RGS11: variants seen among roughly 807,000 people sequenced by gnomAD.
RGS11 encodes regulator of G protein signaling 11, also known as regulator of G-protein signaling 11.
In RGS11, 86 loss-of-function variants were observed where a neutral mutation model predicts 71.1. The ratio of observed to expected loss-of-function variants is 1.21; its 90% CI spans 1.02 to 1.45. The LOEUF is 1.45. Ranked by LOEUF, RGS11 falls within the 40% of genes most tolerant of loss-of-function variation. The pLI is 0.00. For synonymous variants in RGS11, 298 were observed against 254.2 expected (o/e 1.17, Z -1.64); for missense variants, 734 against 635.1 (o/e 1.16, Z -1.67).
chr16:275,173 C>T, intron 3 of RGS11, 91 bp from the exon 4 acceptor site: 1 of 1,588,166 alleles, frequency 6.3e-7, no homozygotes, highest in Non-Finnish European at 8.6e-7. Flanking sequence ...GCTCCCCACC[C>T]TTGCACAGCG....
At chr16:272,441 G>T (rs2051980692) in intron 9 of RGS11, 1 of 1,310,702 alleles carries the variant, frequency 7.6e-7, no homozygotes, top group Non-Finnish European at 1.0e-6. Flanking sequence ...TTTTGCTGCT[G>T]CGGGGCTCAG....
Position 275,839 on chromosome 16 carries a change from C to A in RGS11, c.63+10G>T. ...ATCGGGGGACGGCGGGACACCCACCCGCCTCGCACCTTCCTCAGATGCGGC... is the reference window on the plus strand; with the variant it reads ...ATCGGGGGACGGCGGGACACCCACCAGCCTCGCACCTTCCTCAGATGCGGC... On this transcript the variant is annotated intron_variant, in intron 1 of 16. Transcript: ENST00000397770. The A allele has an allele frequency of 9.4e-7, 1 of 1,067,880 alleles. No homozygotes were observed. Among genetic ancestry groups the A allele is most frequent in the Admixed American group, 4.6e-5 (1 of 21,716 alleles). The allele number at this position is 1,067,880 out of a possible 1,614,324, so 66.2% of individuals were successfully genotyped here.
In RGS11 at chr16:268,734, C is replaced by T. The variant is rs75157109; in HGVS notation, c.*535G>A. 4.0e-3 allele frequency: 6,126 copies of T among 1,537,510 alleles called. 259 individuals are homozygous for T. The East Asian group carries it at 0.1, about 25-fold the overall frequency. On this transcript the variant is annotated 3_prime_UTR_variant, in exon 17 of 17. Coordinates refer to ENST00000397770, the MANE Select transcript of RGS11 (RefSeq NM_183337.3). ...GCGCAGCTCCGGAAGGCAGTGACCT[C>T]GAGGCAGCCTCAGCACGGCACTCTC...
At chr16:269,698 G>T in intron 15 of RGS11, 113 bp from the exon 16 acceptor site, 1 of 843,950 alleles carries the variant, frequency 1.2e-6, no homozygotes. Context: ...CAGAGTCTCC[G>T]GCGGACAGGG....
intron 11 of RGS11, 34 bp from the exon 12 acceptor site, chr16:271,349 G>A (rs1392787264): frequency 3.1e-6 from 5 of 1,611,140 alleles, no homozygotes; most frequent in South Asian, 1.1e-5. Flanking sequence ...TGCAGGAGGG[G>A]CCTCAGCACT....
rs1287308708 is a variant in RGS11 at position 273,564 on chromosome 16, G to A, written c.507-8C>T. 2 of 1,558,274 alleles carry A rather than the reference G, an allele frequency of 1.3e-6. No individual in the cohort carries two copies. Among genetic ancestry groups the A allele is most frequent in the South Asian group, 2.4e-5 (2 of 85,046 alleles). On this transcript the variant is annotated splice_polypyrimidine_tract_variant and splice_region_variant and intron_variant, in intron 7 of 16. Coordinates refer to ENST00000397770, the MANE Select transcript of RGS11 (RefSeq NM_183337.3). ...CTGCGCTGCTTGGCTGCCCTGGGAGGAGGAGGCCGAGTTGAGGGCACGCCC... is the reference window on the plus strand; with the variant it reads ...CTGCGCTGCTTGGCTGCCCTGGGAGAAGGAGGCCGAGTTGAGGGCACGCCC...
At chr16:272,837 C>T (rs572675807) in intron 9 of RGS11, 26 bp downstream of exon 9, 148 of 1,539,816 alleles carry the variant, frequency 9.6e-5, no homozygotes, top group African/African-American at 6.6e-4. Context: ...GGTGAGAGGG[C>T]GGCCAGCACG....
intron 6 of RGS11, 25 bp downstream of exon 6, chr16:274,018 G>A (rs1324084989): frequency 1.2e-5 from 18 of 1,534,796 alleles, no homozygotes; most frequent in Admixed American, 4.0e-5. Context: ...TACCCAGCCG[G>A]GGCGGGAAGG....
intron 9 of RGS11, chr16:272,491 C>T: frequency 7.4e-7 from 1 of 1,349,978 alleles, no homozygotes; most frequent in Non-Finnish European, 9.7e-7. Flanking sequence ...CTGGAGGCCT[C>T]CACCTGGAGG....
At chr16:274,293 A>G in intron 4 of RGS11, 28 bp from the exon 5 acceptor site, 1 of 1,600,028 alleles carries the variant, frequency 6.2e-7, no homozygotes, top group Non-Finnish European at 8.5e-7. Flanking sequence ...GAAGGTGTCC[A>G]GGACGCCTGC....
chr16:268,658 C>A lies in RGS11; in HGVS notation c.*611G>T. On this transcript the variant is annotated 3_prime_UTR_variant, in exon 17 of 17. Coordinates refer to ENST00000397770, the MANE Select transcript of RGS11 (RefSeq NM_183337.3). ...CGGCCTCGAGGTGGGAAAGCAGGTGCCGGCGCACCTGTGGACAAATTCTGG... is the reference window on the plus strand; with the variant it reads ...CGGCCTCGAGGTGGGAAAGCAGGTGACGGCGCACCTGTGGACAAATTCTGG... 1 of 1,043,802 alleles carries A rather than the reference C, an allele frequency of 9.6e-7. No individual in the cohort carries two copies. Among genetic ancestry groups the A allele is most frequent in the South Asian group, 1.5e-5 (1 of 66,350 alleles). 64.7% of individuals were successfully genotyped at this position (1,043,802 alleles called of 1,614,324 possible).
chr16:275,640 C>CGCGGGGCGGG (rs543371112), intron 1 of RGS11, 142 bp from the exon 2 acceptor site: 1 of 759,670 alleles, frequency 1.3e-6, no homozygotes, highest in African/African-American at 2.1e-5. Flanking sequence ...GCGGCGGGGA[C>CGCGGGGCGGG]GCGGGGCGGG....
chr16:270,854 A>G, intron 13 of RGS11, 23 bp from the exon 14 acceptor site: 2 of 1,606,366 alleles, frequency 1.2e-6, no homozygotes, highest in South Asian at 2.2e-5. Flanking sequence ...GCACCCAGTC[A>G]AGGATCCCAT....
In RGS11 at chr16:273,459, C is replaced by T. The variant is rs1227539772; in HGVS notation, c.588+16G>A. The stretch of plus-strand genomic sequence containing the variant: ...CGCTGGCCAGCGACCCCCACCCTCA[C>T]CGCAGGTGGGCTCACCGGGGGCCTG... On this transcript the variant is annotated intron_variant, in intron 8 of 16. Transcript: ENST00000397770. 3 of 1,541,016 alleles carry T rather than the reference C, an allele frequency of 1.9e-6. No individual in the cohort carries two copies. Among genetic ancestry groups the T allele is most frequent in the East Asian group, 2.4e-5 (1 of 40,912 alleles).
Position 275,879 on chromosome 16 carries a change from G to A in RGS11, c.33C>T (p.Arg11=), listed in dbSNP as rs1238548462. Residue 11 remains arginine, a synonymous_variant, in exon 1 of 17, where the codon CGC becomes CGT. Transcript: ENST00000397770. ...TCAGATGCGGCATCTGCGCCCGGGG[G>A]CGGCCGGGGGGCGGCGCGGGGCCGG... MAAGPAPPPG[R]PRAQMPHLRK... 1.0e-5 allele frequency: 10 copies of A among 962,956 alleles called. No individual in the cohort carries two copies. The highest frequency in any genetic ancestry group is 1.8e-5 in the African/African-American group (1 of 56,596). The allele number at this position is 962,956 out of a possible 1,614,324, so 59.7% of individuals were successfully genotyped here.
Position 268,843 on chromosome 16 carries a change from G to A in RGS11, c.*426C>T, listed in dbSNP as rs370212981. The stretch of plus-strand genomic sequence containing the variant: ...AGCTCGCGCCGAGACCTGCATGTCC[G>A]CGTCTTGTGACGGGTGTGTGGGAAG... On this transcript the variant is annotated 3_prime_UTR_variant, in exon 17 of 17. Transcript: ENST00000397770. 1.6e-5 allele frequency: 25 copies of A among 1,550,322 alleles called. No individual in the cohort carries two copies. The highest frequency in any genetic ancestry group is 7.3e-5 in the East Asian group (3 of 40,922).
intron 15 of RGS11, 55 bp from the exon 16 acceptor site, chr16:269,640 G>C: frequency 7.4e-7 from 1 of 1,356,806 alleles, no homozygotes; most frequent in Non-Finnish European, 1.0e-6. Context: ...CTCTCAGCCA[G>C]CTCCACCCGA....
Position 273,749 on chromosome 16 carries a change from C to T in RGS11, c.506+11G>A, listed in dbSNP as rs770713970. On this transcript the variant is annotated intron_variant, in intron 7 of 16. Coordinates refer to ENST00000397770, the MANE Select transcript of RGS11 (RefSeq NM_183337.3). ...CGCCTGCAGGCGGGGCGGGGCAGGG[C>T]GGGGCCTCACCTCAGCTGCTCCCTC... The T allele has an allele frequency of 6.9e-6, 11 of 1,602,556 alleles. No individual in the cohort carries two copies. The highest frequency in any genetic ancestry group is 8.5e-6 in the Non-Finnish European group (10 of 1,173,056).
rs758763074 is a variant in RGS11, at chr16:271,297, G to A, written c.768C>T (p.Gly256=). Reference sequence around the variant, plus strand: ...CGAGGGGATCGTGGGGTCCACGCTGGCCGCAGAAACTCAGGTACCTGGAAG... The same window carrying A: ...CGAGGGGATCGTGGGGTCCACGCTGACCGCAGAAACTCAGGTACCTGGAAG... The part of the protein sequence containing the change: ...VCLEAYLSFC[G]QRGPHDPLVS... Residue 256 remains glycine, a synonymous_variant, in exon 12 of 17, where the codon GGC becomes GGT. Transcript: ENST00000397770. 6.2e-7 allele frequency: 1 copy of A among 1,612,976 alleles called. No individual in the cohort carries two copies.
Sources: allele counts gnomAD v4.1 joint callset, GRCh38; gene constraint gnomAD v4.1.1; transcripts MANE v1.5; gene names NCBI Gene and HGNC (gene_info 2026-07-23, HGNC 2026-07-21).